The following THBS1 variants were observed in gnomAD, a reference collection of about 807,000 sequenced individuals.
The protein encoded by THBS1 is thrombospondin 1, also known as thrombospondin-1.
In THBS1, 29 loss-of-function variants were observed where a neutral mutation model predicts 126.1. The observed-to-expected ratio is 0.23, with a 90% CI of 0.17 to 0.31. The LOEUF is 0.31. Ranked by LOEUF, THBS1 falls within the 10% of genes least tolerant of loss-of-function variation. THBS1 has a pLI of 1.00. For missense variants in THBS1, 1,198 were observed against 1,545.2 expected (o/e 0.78, Z 3.77); for synonymous variants, 496 against 577.8 (o/e 0.86, Z 2.03).
At position 39,597,251 on chromosome 15, in the gene THBS1, A is replaced by G. The variant is rs1182891665; in HGVS notation, c.*1882A>G. On this transcript the variant is annotated 3_prime_UTR_variant, in exon 22 of 22. Coordinates refer to ENST00000260356, the MANE Select transcript of THBS1 (RefSeq NM_003246.4). The stretch of plus-strand genomic sequence containing the variant: ...ATAATGTTTGCACACTGAATTGAAG[A>G]ATTGTTGGTTTTTTCTTTTTTTTGT... 1 of 147,130 alleles carries G rather than the reference A, an allele frequency of 6.8e-6. No individual in the cohort carries two copies. Among genetic ancestry groups the G allele is most frequent in the African/African-American group, 2.5e-5 (1 of 39,572 alleles). 9.1% of individuals were successfully genotyped at this position (147,130 alleles called of 1,614,324 possible).
Position 39,585,574 on chromosome 15 carries a change from C to T in THBS1, c.1120+11C>T. On this transcript the variant is annotated intron_variant, in intron 7 of 21. Transcript: ENST00000260356. Reference sequence around the variant, plus strand: ...GTCCTCGCTGTTGGCGTAAGTTTCTCAAATGGCATAGCTATTCTTCAGTGA... The same window carrying T: ...GTCCTCGCTGTTGGCGTAAGTTTCTTAAATGGCATAGCTATTCTTCAGTGA... 1 of 1,612,624 alleles carries T rather than the reference C, an allele frequency of 6.2e-7. No individual in the cohort carries two copies. Among genetic ancestry groups the T allele is most frequent in the Non-Finnish European group, 8.5e-7 (1 of 1,179,190 alleles).
rs534044485 is a variant in THBS1, at chr15:39,591,716, A to C, written c.2532+93A>C. On this transcript the variant is annotated intron_variant, in intron 16 of 21. Transcript: ENST00000260356. Reference sequence around the variant, plus strand: ...AAAATGAGCTTAACAAAGTTCAAACACTTTCATTACTGTGGCTCCCTGGCT... The same window carrying C: ...AAAATGAGCTTAACAAAGTTCAAACCCTTTCATTACTGTGGCTCCCTGGCT... 7 of 1,163,944 alleles carry C rather than the reference A, an allele frequency of 6.0e-6. No individual in the cohort carries two copies. In the Admixed American group the frequency reaches 1.1e-4, roughly 18 times the overall value. 72.1% of individuals were successfully genotyped at this position (1,163,944 alleles called of 1,614,324 possible).
In THBS1 at chr15:39,588,621, A is replaced by G. The variant is rs2292305; in HGVS notation, c.1567A>G (p.Thr523Ala). ...QKRSRLCNNPTPQFGGKDCVG... is the reference protein window; with the variant it reads ...QKRSRLCNNPAPQFGGKDCVG... ...ACGTAGTCGTCTCTGCAACAACCCC[A>G]CACCCCAGTTTGGAGGCAAGGACTG... Residue 523 changes from threonine (T) to alanine (A), a missense_variant, in exon 10 of 22, where the codon ACA becomes GCA. Coordinates refer to ENST00000260356, the MANE Select transcript of THBS1 (RefSeq NM_003246.4). 0.15 allele frequency: 238,660 copies of G among 1,610,294 alleles called. 22,758 individuals carry two copies. Among genetic ancestry groups the G allele is most frequent in the African/African-American group, 0.42 (31,589 of 74,626 alleles).
At chr15:39,591,022 C>T in intron 14 of THBS1, 169 bp from the exon 15 acceptor site, 1 of 722,138 alleles carries the variant, frequency 1.4e-6, no homozygotes, top group Non-Finnish European at 2.2e-6. Context: ...TTAACTATGT[C>T]CTTTTAACTT....
At position 39,591,356 on chromosome 15, in the gene THBS1, G is replaced by A. The variant is rs779074168; in HGVS notation, c.2413+6G>A. 21 of 1,610,942 alleles carry A rather than the reference G, an allele frequency of 1.3e-5. No individual in the cohort carries two copies. The highest frequency in any genetic ancestry group is 1.7e-5 in the Non-Finnish European group (20 of 1,177,954). On this transcript the variant is annotated splice_donor_region_variant and intron_variant, in intron 15 of 21. Coordinates refer to ENST00000260356, the MANE Select transcript of THBS1 (RefSeq NM_003246.4). ...TGCAGACATTGATGGAGACGGTAAG[G>A]TGCTGCCTGATCAGAGGGCCCGCGG...
intron 15 of THBS1, 55 bp downstream of exon 15, chr15:39,591,405 C>A (rs148087099): frequency 5.6e-4 from 894 of 1,597,718 alleles, no homozygotes; most frequent in Non-Finnish European, 6.8e-4. Context: ...GCACAGCTTT[C>A]CAAACGTACT....
chr15:39,587,236 T>G (rs1201080039), intron 7 of THBS1, 111 bp from the exon 8 acceptor site: 15 of 1,074,504 alleles, frequency 1.4e-5, no homozygotes, highest in South Asian at 1.9e-5. Context: ...CAAAAAGAAA[T>G]AAATATATTG....
rs779204435 is a variant in THBS1 at position 39,588,951 on chromosome 15, T to G, written c.1646-8T>G. 5 of 1,614,172 alleles carry G rather than the reference T, an allele frequency of 3.1e-6. No individual in the cohort carries two copies. Among genetic ancestry groups the G allele is most frequent in the Non-Finnish European group, 4.2e-6 (5 of 1,180,024 alleles). On this transcript the variant is annotated splice_polypyrimidine_tract_variant and splice_region_variant and intron_variant, in intron 10 of 21. Transcript: ENST00000260356. The stretch of plus-strand genomic sequence containing the variant: ...TTTACTGTGACTGTCTCTCTCTCCT[T>G]GTCTCAGATGGATGCCTGTCCAATC...
In THBS1 at chr15:39,592,671, A is replaced by G. The variant is rs138397964; in HGVS notation, c.2636A>G (p.Asn879Ser). The G allele has an allele frequency of 2.8e-5, 46 of 1,614,082 alleles. No individual in the cohort carries two copies. The African/African-American group carries it at 5.7e-4, about 20-fold the overall frequency. Residue 879 changes from asparagine to serine, a missense_variant, in exon 17 of 22, where the codon AAT becomes AGT. Coordinates refer to ENST00000260356, the MANE Select transcript of THBS1 (RefSeq NM_003246.4). This position sits in a 1 kb window ranked among gnomAD's most constrained non-coding sequence, Gnocchi z 4.3. ...CTGGACAACTGTCCCTATGTGCCCA[A>G]TGCCAACCAGGCTGACCATGACAAA... The part of the protein sequence containing the change: ...NNLDNCPYVP[N>S]ANQADHDKDG...
chr15:39,583,873 C>T (rs1188333525), intron 4 of THBS1, 115 bp from the exon 5 acceptor site: 3 of 1,345,858 alleles, frequency 2.2e-6, no homozygotes, highest in Non-Finnish European at 3.1e-6. Flanking sequence ...TGCGCATACA[C>T]GCAACCCCTC....
At position 39,584,146 on chromosome 15, in the gene THBS1, C is replaced by T. The variant is rs866369865; in HGVS notation, c.862C>T (p.Arg288Cys). The change falls in exon 5 of 22, where the codon CGC becomes TGC. Residue 288 changes from arginine to cysteine, a missense_variant. Arg to Cys is a radical substitution (Grantham distance 180). Coordinates refer to ENST00000260356, the MANE Select transcript of THBS1 (RefSeq NM_003246.4). ...SSMVLELRGL[R>C]TIVTTLQDSI... is the part of the protein sequence containing the mutation. ...CATGGTCCTGGAACTCAGGGGCCTGCGCACCATTGTGACCACGCTGCAGGA... is the reference window on the plus strand; with the variant it reads ...CATGGTCCTGGAACTCAGGGGCCTGTGCACCATTGTGACCACGCTGCAGGA... 3.1e-6 allele frequency: 5 copies of T among 1,614,180 alleles called. No homozygotes were observed. Among genetic ancestry groups the T allele is most frequent in the East Asian group, 2.2e-5 (1 of 44,888 alleles).
chr15:39,589,253 G>A lies in THBS1; in HGVS notation c.1825G>A (p.Glu609Lys), dbSNP rs746472820. The change falls in exon 12 of 22, where the codon GAG (glutamate) becomes AAG (lysine). Residue 609 changes from glutamate to lysine, a missense_variant. Physicochemically the swap from Glu to Lys is moderately conservative, Grantham distance 56 (BLOSUM62 1). Around this residue, in one of 4 missense-constraint regions of THBS1, gnomAD observed 663 missense variants for 860.1 expected, o/e 0.77. Coordinates refer to ENST00000260356, the MANE Select transcript of THBS1 (RefSeq NM_003246.4). The surrounding 1 kb of genome is among the most constrained non-coding windows in gnomAD (Gnocchi z 4.7). ...CAACCACAATGGAGAGCACCGGTGT[G>A]AGAACACGGACCCCGGCTACAACTG... The part of the protein sequence containing the change: ...CFNHNGEHRC[E>K]NTDPGYNCLP... 6.2e-7 allele frequency: 1 copy of A among 1,614,154 alleles called. No homozygotes were observed. Among genetic ancestry groups the A allele is most frequent in the South Asian group, 1.1e-5 (1 of 91,082 alleles).
At chr15:39,586,013 G>T (rs1432452054) in intron 7 of THBS1, among the ~76,000 whole-genome samples, 2 of 152,182 alleles carry the variant, frequency 1.3e-5, no homozygotes, top group Non-Finnish European at 2.9e-5. Context: ...GAGGGCCTAA[G>T]AGAATAGCAG....
chr15:39,595,628 G>A lies in THBS1; in HGVS notation c.*259G>A, dbSNP rs140804308. On this transcript the variant is annotated 3_prime_UTR_variant, in exon 22 of 22. Coordinates refer to ENST00000260356, the MANE Select transcript of THBS1 (RefSeq NM_003246.4). The stretch of plus-strand genomic sequence containing the variant: ...ATTGCTTTGGTTTCCTTTTGAAAAA[G>A]CATCTACTTGCTTCAGTTGGGAAGG... 308 of 617,154 alleles carry A rather than the reference G, an allele frequency of 5.0e-4. 1 individual carries two copies. In the East Asian group the frequency reaches 8.6e-3, roughly 17 times the overall value. 38.2% of individuals were successfully genotyped at this position (617,154 alleles called of 1,614,324 possible).
rs1250040676 is a variant in THBS1, at chr15:39,593,958, G to A, written c.3268-141G>A. The A allele has an allele frequency of 1.0e-6, 1 of 954,800 alleles. No homozygotes were observed. Among genetic ancestry groups the A allele is most frequent in the African/African-American group, 1.7e-5 (1 of 60,240 alleles). 59.1% of individuals were successfully genotyped at this position (954,800 alleles called of 1,614,324 possible). A position where few individuals can be genotyped will look rare whatever the true frequency, so the allele number is the denominator to read the frequency against. ...GCTCAGTGGCACACAACAAATATGA[G>A]AGGACTTGGAAAAATTCCCCATTGC... On this transcript the variant is annotated intron_variant, in intron 19 of 21. Transcript: ENST00000260356. The surrounding 1 kb of genome is among the most constrained non-coding windows in gnomAD (Gnocchi z 5.9).
chr15:39,591,400 G>C (rs758498369), intron 15 of THBS1, 50 bp downstream of exon 15: 2 of 1,598,194 alleles, frequency 1.3e-6, no homozygotes, highest in Non-Finnish European at 1.7e-6. Context: ...GACATGCACA[G>C]CTTTCCAAAC....
Position 39,582,483 on chromosome 15 carries a change from G to A in THBS1, c.358G>A (p.Val120Met). ...KDHSGQVFSV[V>M]SNGKAGTLDL... ...CCACTCTGGCCAGGTCTTCAGCGTGGTGTCCAATGGCAAGGCGGGCACCCT... is the reference window on the plus strand; with the variant it reads ...CCACTCTGGCCAGGTCTTCAGCGTGATGTCCAATGGCAAGGCGGGCACCCT... Residue 120 changes from valine to methionine, a missense_variant, in exon 3 of 22, where the codon GTG becomes ATG. This residue lies in a region of THBS1 where 271 missense variants were observed against 277.0 expected (regional missense o/e 0.98). Coordinates refer to ENST00000260356, the MANE Select transcript of THBS1 (RefSeq NM_003246.4). 6.2e-7 allele frequency: 1 copy of A among 1,614,150 alleles called. No homozygotes were observed. The highest frequency in any genetic ancestry group is 8.5e-7 in the Non-Finnish European group (1 of 1,179,992).
At position 39,595,470 on chromosome 15, in the gene THBS1, GCTTC is replaced by G; in HGVS notation, c.*106_*109del. On this transcript the variant is annotated 3_prime_UTR_variant, in exon 22 of 22. Coordinates refer to ENST00000260356, the MANE Select transcript of THBS1 (RefSeq NM_003246.4). The stretch of plus-strand genomic sequence containing the variant: ...AAACCCCCAGGATCACTTCTCCTTG[GCTTC>G]CTTCTTTTCTGTGCTTGCATCAGTG... The G allele has an allele frequency of 7.0e-7, 1 of 1,424,542 alleles. No individual in the cohort carries two copies. The highest frequency in any genetic ancestry group is 9.3e-7 in the Non-Finnish European group (1 of 1,070,262). The allele number at this position is 1,424,542 out of a possible 1,614,324, so 88.2% of individuals were successfully genotyped here. A position where few individuals can be genotyped will look rare whatever the true frequency, so the allele number is the denominator to read the frequency against.
Position 39,590,499 on chromosome 15 carries a change from T to G in THBS1, c.2146-17T>G, listed in dbSNP as rs763690916. 1 of 1,600,806 alleles carries G rather than the reference T, an allele frequency of 6.2e-7. No homozygotes were observed. On this transcript the variant is annotated splice_polypyrimidine_tract_variant and intron_variant, in intron 13 of 21. Coordinates refer to ENST00000260356, the MANE Select transcript of THBS1 (RefSeq NM_003246.4). ...GGAAGGCAACTGAAGCAGTGATATA[T>G]ATCTTCTCTTTCCTAGGATAATTGC...
Sources: gnomAD v4.1 joint callset for allele counts (sites outside exome capture counted in the v4.1 genomes callset) on GRCh38, gnomAD v4.1.1 for gene constraint, gnomAD v4.1.1 regional missense constraint, Gnocchi (gnomAD v3.1) non-coding constraint, MANE v1.5 for transcripts, NCBI Gene and HGNC (gene_info 2026-07-23, HGNC 2026-07-21) for gene names.